The following C13orf42 variants were observed in gnomAD, a reference collection of about 807,000 sequenced individuals.
C13orf42 encodes the protein chromosome 13 open reading frame 42.
At chr13:51,090,520 A>T (rs1953171024) in intron 1 of C13orf42, among the ~76,000 whole-genome samples, 1 of 152,146 alleles carries the variant, frequency 6.6e-6, no homozygotes, top group African/African-American at 2.4e-5. Context: ...CCACCTCCAC[A>T]TGGAGGGCAC....
At chr13:51,121,692 C>T (rs1346091424) in intron 1 of C13orf42, among the ~76,000 whole-genome samples, 11 of 152,016 alleles carry the variant, frequency 7.2e-5, no homozygotes, top group African/African-American at 2.7e-4. Flanking sequence ...AGTGCCACCA[C>T]GCCTGGCTAA....
intron 2 of C13orf42, among the ~76,000 whole-genome samples, chr13:51,086,137 T>C (rs992203547): frequency 4.0e-5 from 6 of 151,714 alleles, no homozygotes; most frequent in African/African-American, 1.5e-4. Flanking sequence ...AAACCCCGTC[T>C]CTACTGAAAA....
chr13:51,152,973 T>C (rs1489469201), intron 1 of C13orf42, among the ~76,000 whole-genome samples: 1 of 152,198 alleles, frequency 6.6e-6, no homozygotes, highest in Non-Finnish European at 1.5e-5. Flanking sequence ...TGTTTTGTTA[T>C]GTTTCTGCAG....
chr13:51,117,284 A>C (rs1220941806), intron 1 of C13orf42, among the ~76,000 whole-genome samples: 1 of 152,260 alleles, frequency 6.6e-6, no homozygotes, highest in South Asian at 2.1e-4. Flanking sequence ...GACTAATAGC[A>C]AAATAGATTA....
At chr13:51,103,195 T>C (rs898605005) in intron 1 of C13orf42, among the ~76,000 whole-genome samples, 2 of 152,126 alleles carry the variant, frequency 1.3e-5, no homozygotes, top group Admixed American at 1.3e-4. Context: ...CCAAGCCTCT[T>C]CTCTGTGATC....
chr13:51,124,405 G>A (rs565149095), intron 1 of C13orf42, among the ~76,000 whole-genome samples: 9 of 152,240 alleles, frequency 5.9e-5, no homozygotes, highest in African/African-American at 1.7e-4. Flanking sequence ...TCTAGGCTGC[G>A]GACAAGGTGA....
upstream of C13orf42, among the ~76,000 whole-genome samples, chr13:51,115,782 G>A (rs939413756): frequency 3.9e-5 from 6 of 152,224 alleles, no homozygotes; most frequent in East Asian, 1.9e-4. Flanking sequence ...GTTCGACAAC[G>A]TGTATCCCAT....
chr13:51,137,301 C>G (rs949301663), intron 1 of C13orf42, among the ~76,000 whole-genome samples: 4 of 152,210 alleles, frequency 2.6e-5, no homozygotes, highest in African/African-American at 9.7e-5. Context: ...GAGTTGAACT[C>G]TGCACAGCCT....
chr13:51,164,999 A>T (rs1337665173), intron 1 of C13orf42, among the ~76,000 whole-genome samples: 1 of 152,214 alleles, frequency 6.6e-6, no homozygotes, highest in Non-Finnish European at 1.5e-5. Flanking sequence ...ATATGATGGC[A>T]CTGAAAGCCT....
intron 1 of C13orf42, among the ~76,000 whole-genome samples, chr13:51,096,689 CA>C (rs1273592309): frequency 6.6e-6 from 1 of 152,084 alleles, no homozygotes; most frequent in Non-Finnish European, 1.5e-5. Flanking sequence ...CTGTATAAAC[CA>C]AAATTCTGTT....
chr13:51,170,019 T>C (rs1440491764), intron 1 of C13orf42, among the ~76,000 whole-genome samples: 1 of 152,246 alleles, frequency 6.6e-6, no homozygotes, highest in South Asian at 2.1e-4. Flanking sequence ...GAAGTGTAAA[T>C]GGCCGGTCCT....
chr13:51,143,399 T>C (rs113467811), intron 1 of C13orf42, among the ~76,000 whole-genome samples: 7 of 152,318 alleles, frequency 4.6e-5, no homozygotes, highest in African/African-American at 1.7e-4. Flanking sequence ...AAAACCAGTA[T>C]ATGGAGCCCT....
intron 1 of C13orf42, among the ~76,000 whole-genome samples, chr13:51,128,102 AG>A (rs1371601221): frequency 2.0e-5 from 3 of 152,236 alleles, no homozygotes; most frequent in Admixed American, 6.5e-5. Context: ...TGGCAATGTC[AG>A]GAAGTTATGG....
chr13:51,156,954 G>A (rs1316504358), intron 1 of C13orf42, among the ~76,000 whole-genome samples: 1 of 152,216 alleles, frequency 6.6e-6, no homozygotes, highest in Non-Finnish European at 1.5e-5. Context: ...ACATCCTGCT[G>A]AGCAACAGCA....
At chr13:51,166,339 A>C (rs1452888644) in intron 1 of C13orf42, among the ~76,000 whole-genome samples, 7 of 150,980 alleles carry the variant, frequency 4.6e-5, no homozygotes, top group African/African-American at 7.3e-5. Context: ...AACTATCGCA[A>C]GAACAAAAAA....
intron 1 of C13orf42, among the ~76,000 whole-genome samples, chr13:51,144,506 T>A (rs1953720199): frequency 6.6e-6 from 1 of 152,256 alleles, no homozygotes; most frequent in African/African-American, 2.4e-5. Flanking sequence ...GCAATAAGAA[T>A]CTGTTTTCAT....
intron 1 of C13orf42, among the ~76,000 whole-genome samples, chr13:51,158,929 T>C (rs1179302655): frequency 6.6e-6 from 1 of 152,212 alleles, no homozygotes; most frequent in Non-Finnish European, 1.5e-5. Context: ...CCAATGACAG[T>C]GGTTTTCCTT....
chr13:51,159,722 C>T (rs139118654), intron 1 of C13orf42, among the ~76,000 whole-genome samples: 61 of 152,196 alleles, frequency 4.0e-4, no homozygotes, highest in African/African-American at 1.1e-3. Context: ...CAGCTGACTC[C>T]GAATATGCAA....
intron 1 of C13orf42, among the ~76,000 whole-genome samples, chr13:51,160,289 G>T (rs1262876299): frequency 6.6e-6 from 1 of 152,210 alleles, no homozygotes; most frequent in East Asian, 1.9e-4. Flanking sequence ...GAGGCAGGCA[G>T]ATCACCTGAG....
Sources: gnomAD v4.1 joint callset for allele counts (sites outside exome capture counted in the v4.1 genomes callset) on GRCh38, gnomAD v4.1.1 for gene constraint, MANE v1.5 for transcripts, NCBI Gene and HGNC (gene_info 2026-07-23, HGNC 2026-07-21) for gene names.